MYO1C: variants seen among roughly 807,000 people sequenced by gnomAD.
MYO1C encodes the protein myosin IC.
Under a neutral mutation model 150.8 loss-of-function variants are expected in MYO1C, and 104 were observed. That is an observed-to-expected ratio of 0.69 (90% confidence interval 0.59 to 0.81). The LOEUF (loss-of-function observed/expected upper bound fraction) is 0.81. Ranked by LOEUF, MYO1C falls within the 30% of genes least tolerant of loss-of-function variation. The pLI is 0.00. For missense variants in MYO1C, 1,504 were observed against 1,435.0 expected (o/e 1.05, Z -0.78); for synonymous variants, 663 against 579.9 (o/e 1.14, Z -2.06).
chr17:1,478,285 G>T lies in MYO1C; in HGVS notation c.1296-93C>A. On this transcript the variant is annotated intron_variant, in intron 11 of 31. Coordinates refer to ENST00000648651, the MANE Select transcript of MYO1C (RefSeq NM_001080779.2). The surrounding 1 kb of genome is among the most constrained non-coding windows in gnomAD (Gnocchi z 6.3). ...GACGACGCCCCTGAGCACAGGAGGT[G>T]AGAAACACAGAGACAGTCCCCGGCT... 1 of 1,549,574 alleles carries T rather than the reference G, an allele frequency of 6.5e-7. No individual in the cohort carries two copies. The highest frequency in any genetic ancestry group is 1.1e-5 in the South Asian group (1 of 89,736).
At chr17:1,477,165 T>G in intron 14 of MYO1C, 1 of 268,072 alleles carries the variant, frequency 3.7e-6, no homozygotes, top group Non-Finnish European at 7.2e-6. Context: ...AAAAATTCAT[T>G]ATTTATTTTT....
intron 24 of MYO1C, 116 bp from the exon 25 acceptor site, chr17:1,469,730 C>T: frequency 3.3e-6 from 3 of 906,088 alleles, no homozygotes; most frequent in Non-Finnish European, 5.2e-6. Context: ...TCTGGAGACG[C>T]TTCCGGTCAA....
At chr17:1,470,131 G>C in intron 24 of MYO1C, 44 bp downstream of exon 24, 1 of 1,575,138 alleles carries the variant, frequency 6.3e-7, no homozygotes, top group Non-Finnish European at 8.6e-7. Context: ...CCCTTCTGCT[G>C]TGTACTATGA....
At chr17:1,477,345 G>C in intron 14 of MYO1C, 160 bp downstream of exon 14, 1 of 690,496 alleles carries the variant, frequency 1.4e-6, no homozygotes, top group South Asian at 1.6e-5. Flanking sequence ...GCCTGGCTAA[G>C]CTTCTTAGTT....
chr17:1,488,176 G>A (rs1308143238), intron 1 of MYO1C, among the ~76,000 whole-genome samples: 2 of 152,174 alleles, frequency 1.3e-5, no homozygotes, highest in South Asian at 2.1e-4. Context: ...CACGTCACGC[G>A]GTTGGAATGA....
Position 1,479,533 on chromosome 17 carries a change from G to T in MYO1C, c.1021-31C>A, listed in dbSNP as rs567668658. 125 of 1,501,502 alleles carry T rather than the reference G, an allele frequency of 8.3e-5. No homozygotes were observed. The Middle Eastern group carries it at 1.0e-3, about 12-fold the overall frequency. The allele number at this position is 1,501,502 out of a possible 1,614,324, so 93.0% of individuals were successfully genotyped here. A position where few individuals can be genotyped will look rare whatever the true frequency, so the allele number is the denominator to read the frequency against. ...AAGGGCAGGCGAGGACACGGTGAGG[G>T]TGCACCCCCAGCCCCCGCCCCCGCC... On this transcript the variant is annotated intron_variant, in intron 8 of 31. Transcript: ENST00000648651. The surrounding 1 kb of genome is among the most constrained non-coding windows in gnomAD (Gnocchi z 4.2).
In MYO1C at chr17:1,471,116, G is replaced by A. The variant is rs768776059; in HGVS notation, c.2167C>T (p.Leu723=). ...TKIFIRFPKT[L]FATEDALEVR... The stretch of plus-strand genomic sequence containing the variant: ...TCCAGGGCATCCTCTGTGGCAAACA[G>A]GGTCTTGGGGAAGCGGATGAAGATC... Residue 723 remains leucine (L), a synonymous_variant, in exon 21 of 32, where the codon CTG becomes TTG. Coordinates refer to ENST00000648651, the MANE Select transcript of MYO1C (RefSeq NM_001080779.2). 8.7e-6 allele frequency: 14 copies of A among 1,614,060 alleles called. No individual in the cohort carries two copies. The South Asian group carries it at 1.4e-4, about 16-fold the overall frequency.
chr17:1,485,462 G>A (rs915992063), intron 1 of MYO1C: 5 of 691,578 alleles, frequency 7.2e-6, no homozygotes, highest in Admixed American at 1.1e-4. Flanking sequence ...TCGCCCTCGG[G>A]TCAGGGGTCT....
At chr17:1,487,323 C>T (rs943409483) in intron 1 of MYO1C, among the ~76,000 whole-genome samples, 1 of 152,264 alleles carries the variant, frequency 6.6e-6, no homozygotes, top group Admixed American at 6.5e-5. Flanking sequence ...AACACAACGG[C>T]GTACACAGAC....
chr17:1,469,573 C>A lies in MYO1C; in HGVS notation c.2568G>T (p.Val856=), dbSNP rs770454741. The A allele has an allele frequency of 2.5e-6, 4 of 1,613,322 alleles. No homozygotes were observed. Among genetic ancestry groups the A allele is most frequent in the Non-Finnish European group, 3.4e-6 (4 of 1,179,844 alleles). The change falls in exon 25 of 32, where the codon GTG becomes GTT. Residue 856 remains valine (V), a synonymous_variant. Coordinates refer to ENST00000648651, the MANE Select transcript of MYO1C (RefSeq NM_001080779.2). The stretch of plus-strand genomic sequence containing the variant: ...GGCTGATACTCCGGCAGTATTTCCA[C>A]ACCATGTTCTTTATGCACAACTCCC... ...LLRELCIKNM[V]WKYCRSISPE...
At chr17:1,492,386 C>T in intron 1 of MYO1C, 27 bp downstream of exon 1, 1 of 1,583,816 alleles carries the variant, frequency 6.3e-7, no homozygotes. Flanking sequence ...TCCCACCCTC[C>T]TCCCAGCCCA....
intron 3 of MYO1C, 29 bp from the exon 4 acceptor site, chr17:1,483,088 G>C: frequency 6.4e-7 from 1 of 1,565,404 alleles, no homozygotes; most frequent in South Asian, 1.2e-5. Flanking sequence ...AGGGAGTTTG[G>C]GGAGGGGGGC....
Position 1,470,641 on chromosome 17 carries a change from A to C in MYO1C, c.2261T>G (p.Phe754Cys), listed in dbSNP as rs1418172377. ...CGAACCTGATCTCTTCACCCGGAGG[A>C]ATTTCTGCCGCCAGTGAAAGCCCCT... is the stretch of plus-strand genomic sequence containing the variant. ...AWRGFHWRQK[F>C]LRVKRSAICI... The change falls in exon 22 of 32, where the codon TTC becomes TGC. Residue 754 changes from phenylalanine to cysteine, a missense_variant. Coordinates refer to ENST00000648651, the MANE Select transcript of MYO1C (RefSeq NM_001080779.2). 6.2e-7 allele frequency: 1 copy of C among 1,609,730 alleles called. No homozygotes were observed.
chr17:1,485,115 G>C (rs1462777351), intron 1 of MYO1C: 1 of 1,221,080 alleles, frequency 8.2e-7, no homozygotes, highest in Non-Finnish European at 1.0e-6. Flanking sequence ...GGGGATGGGG[G>C]CTTTACCATG....
chr17:1,492,119 T>C (rs1307362506), intron 1 of MYO1C: 6 of 455,302 alleles, frequency 1.3e-5, no homozygotes, highest in African/African-American at 2.0e-5. Context: ...TCCTTCGACC[T>C]CACAGCAGCC....
intron 1 of MYO1C, among the ~76,000 whole-genome samples, chr17:1,490,145 A>G (rs1444973748): frequency 6.6e-6 from 1 of 151,730 alleles, no homozygotes; most frequent in African/African-American, 2.4e-5. Context: ...ACAGCCTGGC[A>G]TTAACAGGCC....
chr17:1,476,466 C>T (rs1455303008), intron 14 of MYO1C, among the ~76,000 whole-genome samples: 1 of 152,194 alleles, frequency 6.6e-6, no homozygotes, highest in African/African-American at 2.4e-5. Context: ...TGAGCCACCA[C>T]GCCCATCCAG....
chr17:1,488,245 C>A (rs1326924624), intron 1 of MYO1C, among the ~76,000 whole-genome samples: 1 of 152,154 alleles, frequency 6.6e-6, no homozygotes, highest in Non-Finnish European at 1.5e-5. Flanking sequence ...GCCGCGCCGC[C>A]GCATTCCCGG....
chr17:1,488,244 C>T (rs1435583491), intron 1 of MYO1C, among the ~76,000 whole-genome samples: 1 of 152,146 alleles, frequency 6.6e-6, no homozygotes, highest in Non-Finnish European at 1.5e-5. Context: ...GGCCGCGCCG[C>T]CGCATTCCCG....
Sources: allele counts gnomAD v4.1 joint callset (sites outside exome capture counted in the v4.1 genomes callset), GRCh38; gene constraint gnomAD v4.1.1; non-coding constraint Gnocchi (gnomAD v3.1); transcripts MANE v1.5; gene names NCBI Gene and HGNC (gene_info 2026-07-23, HGNC 2026-07-21).